The following POLE variants were observed in gnomAD, a reference collection of about 807,000 sequenced individuals.
POLE encodes DNA polymerase epsilon catalytic subunit A.
In POLE, 188 loss-of-function variants were observed where a neutral mutation model predicts 279.2. The ratio of observed to expected loss-of-function variants is 0.67; its 90% confidence interval spans 0.60 to 0.76. The LOEUF (loss-of-function observed/expected upper bound fraction) is 0.76. Ranked by LOEUF, POLE falls within the 30% of genes least tolerant of loss-of-function variation. The pLI, the probability that POLE is intolerant of heterozygous loss-of-function variation, is 0.00. For synonymous variants in POLE, 1,214 were observed against 1,172.5 expected (o/e 1.04, Z -0.72); for missense variants, 2,703 against 3,016.7 (o/e 0.90, Z 2.44).
Position 132,679,636 on chromosome 12 carries a change from C to G in POLE, c.439G>C (p.Gly147Arg), listed in dbSNP as rs2136027799. 6.2e-7 allele frequency: 1 copy of G among 1,610,388 alleles called. No individual in the cohort carries two copies. The highest frequency in any genetic ancestry group is 8.5e-7 in the Non-Finnish European group (1 of 1,176,800). The stretch of plus-strand genomic sequence containing the variant: ...AGCCTGATGTAATTTCGCTTCAAAC[C>G]CACCAAGTGATTTGGCTATAATGCG... ...EDLDLPNHLV[G>R]LKRNYIRLSF... The change falls in exon 6 of 49, where the codon GGT becomes CGT. Residue 147 changes from glycine to arginine, a missense_variant. By Grantham distance (125) the Gly-to-Arg change is moderately radical (BLOSUM62 -2). This residue lies in a region of POLE where 1,011 missense variants were observed against 1,111.7 expected (regional missense o/e 0.91). Transcript: ENST00000320574.
chr12:132,643,195 T>C lies in POLE; in HGVS notation c.4551+29A>G, dbSNP rs550525069. 8.1e-6 allele frequency: 13 copies of C among 1,603,636 alleles called. No individual in the cohort carries two copies. In the African/African-American group the frequency reaches 1.2e-4, roughly 15 times the overall value. On this transcript the variant is annotated intron_variant, in intron 35 of 48. Coordinates refer to ENST00000320574, the MANE Select transcript of POLE (RefSeq NM_006231.4). ...CTTCCCCAAACCCTGCCCCAGCCAA[T>C]GTGCTGCCATGGAGGGCCCAGGACT...
intron 6 of POLE, among the ~76,000 whole-genome samples, chr12:132,677,964 G>T (rs1057025474): frequency 6.6e-6 from 1 of 152,100 alleles, no homozygotes; most frequent in African/African-American, 2.4e-5. Context: ...GATCACCCGA[G>T]GTCAGGAGTT....
At chr12:132,679,422 T>G in intron 6 of POLE, 75 bp downstream of exon 6, 3 of 1,425,644 alleles carry the variant, frequency 2.1e-6, no homozygotes, top group Non-Finnish European at 2.9e-6. Context: ...GTAACTTTGT[T>G]GCTACGTGTT....
In POLE at chr12:132,676,202, G is replaced by A. The variant is rs1064794932; in HGVS notation, c.912C>T (p.Gly304=). The A allele has an allele frequency of 1.1e-5, 17 of 1,609,360 alleles. No homozygotes were observed. Among genetic ancestry groups the A allele is most frequent in the Non-Finnish European group, 1.4e-5 (17 of 1,176,482 alleles). ...CAATCTCCCTGTTGGTGATGAGGTA[G>A]CCCTAGCCAAGTTCATTAGCAATCA... ...MMISYMIDGQ[G]YLITNREIVS... The change falls in exon 10 of 49, where the codon GGC becomes GGT. Residue 304 remains glycine (G), a splice_region_variant and synonymous_variant. Transcript: ENST00000320574.
Position 132,681,269 on chromosome 12 carries a change from C to A in POLE, c.73G>T (p.Ala25Ser), listed in dbSNP as rs773204331. 1 of 1,614,132 alleles carries A rather than the reference C, an allele frequency of 6.2e-7. No homozygotes were observed. Among genetic ancestry groups the A allele is most frequent in the Non-Finnish European group, 8.5e-7 (1 of 1,179,986 alleles). The change falls in exon 2 of 49, where the codon GCC becomes TCC. Residue 25 changes from alanine (A) to serine (S), a missense_variant. By Grantham distance (99) the Ala-to-Ser change is moderately conservative. Transcript: ENST00000320574. The part of the protein sequence containing the change: ...ADGEASRDDG[A>S]TSSVSALKRL... ...TTGAGTGCCGAAACTGAGGAAGTGG[C>A]GCCATCATCCCTGAGTGAAAGAAGG...
At position 132,657,122 on chromosome 12, in the gene POLE, G is replaced by T. The variant is rs1182778313; in HGVS notation, c.3582+14C>A. 6.2e-7 allele frequency: 1 copy of T among 1,613,610 alleles called. No individual in the cohort carries two copies. The highest frequency in any genetic ancestry group is 1.7e-5 in the Admixed American group (1 of 59,984). On this transcript the variant is annotated intron_variant, in intron 29 of 48. Coordinates refer to ENST00000320574, the MANE Select transcript of POLE (RefSeq NM_006231.4). ...AGGATCCCGCCCAGCCCAGCCTTGG[G>T]GCCCCACCGTCACCTGTCTCCTGCC...
At chr12:132,677,809 C>CA in intron 6 of POLE, 90 bp from the exon 7 acceptor site, 1 of 1,265,562 alleles carries the variant, frequency 7.9e-7, no homozygotes, top group Non-Finnish European at 1.1e-6. Context: ...GAGGTGAGAC[C>CA]AGAGTTCAAA....
rs1454076563 is a variant in POLE, at chr12:132,659,375, T to C, written c.3195A>G (p.Gly1065=). ...STAKRLAEFL[G]DQMVKDAGLS... is the part of the protein sequence containing the mutation. ...GCCCTGCATCCTTGACCATCTGGTC[T>C]CCCAGGAACTCGGCCAGGCGCTTTG... is the stretch of plus-strand genomic sequence containing the variant. Residue 1065 remains glycine, a synonymous_variant, in exon 26 of 49, where the codon GGA becomes GGG. Coordinates refer to ENST00000320574, the MANE Select transcript of POLE (RefSeq NM_006231.4). 1.2e-6 allele frequency: 2 copies of C among 1,614,084 alleles called. No individual in the cohort carries two copies. Among genetic ancestry groups the C allele is most frequent in the Non-Finnish European group, 1.7e-6 (2 of 1,180,036 alleles).
At position 132,642,490 on chromosome 12, in the gene POLE, A is replaced by G. The variant is rs755998543; in HGVS notation, c.4952+16T>C. On this transcript the variant is annotated intron_variant, in intron 37 of 48. Coordinates refer to ENST00000320574, the MANE Select transcript of POLE (RefSeq NM_006231.4). ...GCCTGGGGACCACTGGCCCACAACG[A>G]CAGTACTGTGCTCACCTGCTCATCT... The G allele has an allele frequency of 1.2e-6, 2 of 1,612,040 alleles. No homozygotes were observed. The highest frequency in any genetic ancestry group is 2.7e-5 in the African/African-American group (2 of 74,842).
chr12:132,685,245 A>G (rs370592561), intron 1 of POLE, among the ~76,000 whole-genome samples: 1 of 140,130 alleles, frequency 7.1e-6, no homozygotes, highest in African/African-American at 2.7e-5. Flanking sequence ...TCCCAGTACT[A>G]CACACAGGCT....
chr12:132,625,493 T>C lies in POLE; in HGVS notation c.6657+152A>G, dbSNP rs2041817320. The C allele has an allele frequency of 3.1e-6, 3 of 980,254 alleles. No homozygotes were observed. In the South Asian group the frequency reaches 4.0e-5, roughly 13 times the overall value. The allele number at this position is 980,254 out of a possible 1,614,324, so 60.7% of individuals were successfully genotyped here. ...CAACCAGTGTGGACAGAACAGTCCA[T>C]CAGGCTCAGGGCATGGACTGGTCTG... On this transcript the variant is annotated intron_variant, in intron 47 of 48. Transcript: ENST00000320574.
rs2138689757 is a variant in POLE, at chr12:132,661,028, C to A, written c.3001G>T (p.Glu1001Ter). ...EAFLKGSTLE[E>*]VYGSVAKVAD... is the part of the protein sequence containing the mutation. The stretch of plus-strand genomic sequence containing the variant: ...ACCTTGGCTACAGAGCCATACACCT[C>A]TTCCAGCGTGCTGCCCTTGAGGAAG... Residue 1001 changes from glutamate to a stop codon, truncating the protein, a stop_gained, in exon 25 of 49, where the codon GAG becomes TAG. Transcript: ENST00000320574. LOFTEE classifies it high-confidence loss of function. This position sits in a 1 kb window ranked among gnomAD's most constrained non-coding sequence, Gnocchi z 4.1. 6.2e-7 allele frequency: 1 copy of A among 1,614,168 alleles called. No homozygotes were observed. The highest frequency in any genetic ancestry group is 8.5e-7 in the Non-Finnish European group (1 of 1,180,028).
chr12:132,632,985 C>T (rs1037288618), intron 43 of POLE, 190 bp from the exon 44 acceptor site: 1 of 591,970 alleles, frequency 1.7e-6, no homozygotes, highest in Non-Finnish European at 2.9e-6. Context: ...TGAGAAGGAA[C>T]ACTCGCTGAC....
chr12:132,632,537 G>T lies in POLE; in HGVS notation c.6137-29C>A, dbSNP rs1321619390. On this transcript the variant is annotated intron_variant, in intron 44 of 48. Transcript: ENST00000320574. ...GAAGTATAAGGATGCTGAGGGAGGG[G>T]TCTGGGACCTGTCTGGCACTGGGGA... 3 of 1,610,024 alleles carry T rather than the reference G, an allele frequency of 1.9e-6. No individual in the cohort carries two copies. The African/African-American group carries it at 4.0e-5, about 22-fold the overall frequency.
chr12:132,657,993 C>T (rs747915035), intron 26 of POLE, 23 bp from the exon 27 acceptor site: 5 of 1,461,738 alleles, frequency 3.4e-6, no homozygotes, highest in Non-Finnish European at 4.8e-6. Flanking sequence ...GACAGGCACA[C>T]AGCTCAGTAA....
chr12:132,649,209 T>G, intron 31 of POLE, 97 bp downstream of exon 31: 1 of 1,509,376 alleles, frequency 6.6e-7, no homozygotes, highest in Middle Eastern at 1.9e-4. Context: ...CCAGGCCCAC[T>G]CTAACCCTCC....
intron 12 of POLE, among the ~76,000 whole-genome samples, chr12:132,674,851 C>T (rs539255212): frequency 6.8e-6 from 1 of 148,076 alleles, no homozygotes; most frequent in South Asian, 2.1e-4. Context: ...CCTTCCCTCC[C>T]TCCCTTCCCT....
intron 32 of POLE, 62 bp from the exon 33 acceptor site, chr12:132,644,039 C>A (rs2138563792): frequency 6.5e-7 from 1 of 1,546,830 alleles, no homozygotes; most frequent in Non-Finnish European, 8.8e-7. Flanking sequence ...GTGGTACACA[C>A]ACAAAGCACA....
rs5744868 is a variant in POLE, at chr12:132,659,201, T to C, written c.3275+94A>G. 48 of 1,287,110 alleles carry C rather than the reference T, an allele frequency of 3.7e-5. 2 individuals carry two copies. Among genetic ancestry groups the C allele is most frequent in the Admixed American group, 2.3e-4 (11 of 47,628 alleles). The allele number at this position is 1,287,110 out of a possible 1,614,324, so 79.7% of individuals were successfully genotyped here. On this transcript the variant is annotated intron_variant, in intron 26 of 48. Coordinates refer to ENST00000320574, the MANE Select transcript of POLE (RefSeq NM_006231.4). ...CAGGGCAGCCCTCACCTCTCTGTGA[T>C]GAGGGGAGCCCTCACCTCTCCGTGA...
Sources: gnomAD v4.1 joint callset for allele counts (sites outside exome capture counted in the v4.1 genomes callset) on GRCh38, gnomAD v4.1.1 for gene constraint, gnomAD v4.1.1 regional missense constraint, Gnocchi (gnomAD v3.1) non-coding constraint, MANE v1.5 for transcripts, NCBI Gene and HGNC (gene_info 2026-07-23, HGNC 2026-07-21) for gene names.